Variants in ABHD6 observed in about 807,000 individuals in gnomAD.
ABHD6 encodes monoacylglycerol lipase ABHD6.
Under a neutral mutation model 38.8 loss-of-function variants are expected in ABHD6, and 33 were observed. That is an observed-to-expected ratio of 0.85 (90% CI 0.64 to 1.14). ABHD6 has a LOEUF of 1.14. ABHD6 is among the 50% of genes most tolerant of loss of function. The probability of loss-of-function intolerance (pLI) is 0.00; values close to 1 mark genes in which losing one functional copy is unlikely to be tolerated. For missense variants in ABHD6, 380 were observed against 422.6 expected (o/e 0.90, Z 0.88); for synonymous variants, 147 against 161.6 (o/e 0.91, Z 0.69).
At chr3:58,242,385 C>T (rs929539466) in intron 1 of ABHD6, among the ~76,000 whole-genome samples, 1 of 152,174 alleles carries the variant, frequency 6.6e-6, no homozygotes, top group African/African-American at 2.4e-5. Context: ...CCCATCCAAA[C>T]TAAAACCTCT....
Position 58,285,353 on chromosome 3 carries a change from T to C in ABHD6, c.737T>C (p.Leu246Ser). 1 of 1,614,064 alleles carries C rather than the reference T, an allele frequency of 6.2e-7. No individual in the cohort carries two copies. Among genetic ancestry groups the C allele is most frequent in the Non-Finnish European group, 8.5e-7 (1 of 1,179,890 alleles). The change falls in exon 9 of 10, where the codon TTG becomes TCG. Residue 246 changes from leucine (L) to serine (S), a missense_variant and splice_region_variant. By Grantham distance (145) the Leu-to-Ser change is moderately radical (BLOSUM62 -2). Transcript: ENST00000478253. The surrounding 1 kb of genome is among the most constrained non-coding windows in gnomAD (Gnocchi z 4.9). The part of the protein sequence containing the change: ...RIPHNNFYRK[L>S]FLEIVSEKSR... ...CACTTTGTTTTCCTTTTCTGACAAG[T>C]GTTTTTGGAAATCGTCAGTGAGAAG... is the stretch of plus-strand genomic sequence containing the variant.
At chr3:58,286,870 G>GATATATATATATA (rs2097457739) in intron 9 of ABHD6, among the ~76,000 whole-genome samples, 1 of 75,042 alleles carries the variant, frequency 1.3e-5, no homozygotes, top group Non-Finnish European at 2.7e-5. Context: ...ATATATATAT[G>GATATATATATATA]TATATGTATA....
chr3:58,291,043 G>A (rs1424003501), intron 9 of ABHD6, among the ~76,000 whole-genome samples: 1 of 150,688 alleles, frequency 6.6e-6, no homozygotes, highest in African/African-American at 2.4e-5. Flanking sequence ...GGAGGTGGAG[G>A]TTGTAGCGAG....
intron 7 of ABHD6, among the ~76,000 whole-genome samples, chr3:58,279,414 T>G (rs910611632): frequency 1.5e-5 from 2 of 130,422 alleles, no homozygotes; most frequent in African/African-American, 7.0e-5. Context: ...GAGACTAGGA[T>G]TGCAACCCTG....
chr3:58,281,292 C>T (rs1368764881), intron 7 of ABHD6, among the ~76,000 whole-genome samples: 1 of 152,240 alleles, frequency 6.6e-6, no homozygotes, highest in East Asian at 1.9e-4. Flanking sequence ...CTACTTAAGC[C>T]TCAGCAATGG....
At position 58,267,167 on chromosome 3, in the gene ABHD6, C is replaced by G. The variant is rs760825410; in HGVS notation, c.120-22C>G. 4 of 1,612,496 alleles carry G rather than the reference C, an allele frequency of 2.5e-6. No individual in the cohort carries two copies. In the South Asian group the frequency reaches 4.4e-5, roughly 18 times the overall value. Reference sequence around the variant, plus strand: ...CTAGAGCTTACTGATTTCGTTTTGTCTTTATTTCTCACCCCTTCCAGGTAC... The same window carrying G: ...CTAGAGCTTACTGATTTCGTTTTGTGTTTATTTCTCACCCCTTCCAGGTAC... On this transcript the variant is annotated intron_variant, in intron 3 of 9. Transcript: ENST00000478253. The surrounding 1 kb of genome is among the most constrained non-coding windows in gnomAD (Gnocchi z 4.3).
chr3:58,247,151 C>T (rs1017902540), intron 1 of ABHD6, among the ~76,000 whole-genome samples: 1 of 151,690 alleles, frequency 6.6e-6, no homozygotes, highest in East Asian at 1.9e-4. Flanking sequence ...TACAGGCATG[C>T]ACCACCACGC....
At chr3:58,254,864 AC>A (rs2097432250) in intron 2 of ABHD6, among the ~76,000 whole-genome samples, 1 of 150,628 alleles carries the variant, frequency 6.6e-6, no homozygotes, top group African/African-American at 2.4e-5. Context: ...ACACACACAC[AC>A]ACACACACAC....
At chr3:58,247,112 T>A (rs1056521376) in intron 1 of ABHD6, among the ~76,000 whole-genome samples, 1 of 149,324 alleles carries the variant, frequency 6.7e-6, no homozygotes, top group African/African-American at 2.5e-5. Context: ...AACCTCCGCC[T>A]CCTGGGTTAA....
chr3:58,280,156 T>A (rs36105945), intron 7 of ABHD6, among the ~76,000 whole-genome samples: 14,210 of 152,226 alleles, frequency 0.093, 779 homozygotes, highest in African/African-American at 0.13. Flanking sequence ...GTTGGGGAAG[T>A]TCTCCTGGAT....
Position 58,239,327 on chromosome 3 carries a change from T to A in ABHD6, c.-91+1411T>A, listed in dbSNP as rs552433424. Among the ~76,000 whole-genome samples the A allele has an allele frequency of 2.0e-5, 3 of 152,264 alleles. No individual in the cohort carries two copies. In the East Asian group the frequency reaches 5.8e-4, roughly 29 times the overall value. On this transcript the variant is annotated intron_variant, in intron 1 of 9. Transcript: ENST00000478253. ...TTAAAGGGTAGTGGCAATATTTAGATAAAATAATGCACAGGGCCCAGCATG... is the reference window on the plus strand; with the variant it reads ...TTAAAGGGTAGTGGCAATATTTAGAAAAAATAATGCACAGGGCCCAGCATG...
Position 58,294,613 on chromosome 3 carries a change from A to G in ABHD6, c.*848A>G, listed in dbSNP as rs1024231350. On this transcript the variant is annotated 3_prime_UTR_variant, in exon 10 of 10. Coordinates refer to ENST00000478253, the MANE Select transcript of ABHD6 (RefSeq NM_001320126.2). Reference sequence around the variant, plus strand: ...GCTACTAAGAACCCTTGGATGTAACATACTAGTTAGTTAATGAATTCTGTG... The same window carrying G: ...GCTACTAAGAACCCTTGGATGTAACGTACTAGTTAGTTAATGAATTCTGTG... The G allele has an allele frequency of 7.4e-4, 113 of 152,798 alleles. No individual in the cohort carries two copies. The highest frequency in any genetic ancestry group is 2.5e-3 in the African/African-American group (106 of 41,586). 9.5% of individuals were successfully genotyped at this position (152,798 alleles called of 1,614,324 possible).
chr3:58,264,428 CACACA>C (rs1559776235), intron 3 of ABHD6, among the ~76,000 whole-genome samples: 3 of 130,928 alleles, frequency 2.3e-5, no homozygotes, highest in Non-Finnish European at 4.7e-5. Flanking sequence ...CACACACACA[CACACA>C]CACACACACA....
chr3:58,276,462 TG>T (rs766998417), intron 7 of ABHD6, among the ~76,000 whole-genome samples: 1 of 152,182 alleles, frequency 6.6e-6, no homozygotes, highest in Non-Finnish European at 1.5e-5. Context: ...TTGATGGGGT[TG>T]TTTTTTTTTC....
intron 1 of ABHD6, among the ~76,000 whole-genome samples, chr3:58,242,976 G>A (rs933479081): frequency 1.3e-5 from 2 of 152,116 alleles, no homozygotes; most frequent in African/African-American, 4.8e-5. Context: ...GCGGTGTTTG[G>A]TTTTCTGTCC....
At chr3:58,282,600 G>A (rs1271877651) in intron 7 of ABHD6, among the ~76,000 whole-genome samples, 1 of 152,108 alleles carries the variant, frequency 6.6e-6, no homozygotes, top group Non-Finnish European at 1.5e-5. Context: ...GCCAAGTGTG[G>A]TGGTGCGTGC....
intron 3 of ABHD6, among the ~76,000 whole-genome samples, chr3:58,262,075 T>G (rs1383035912): frequency 6.6e-6 from 1 of 152,198 alleles, no homozygotes; most frequent in Non-Finnish European, 1.5e-5. Flanking sequence ...CTGTGCTAAG[T>G]GAAACTAACC....
chr3:58,262,340 T>G (rs2097437600), intron 3 of ABHD6, among the ~76,000 whole-genome samples: 1 of 152,194 alleles, frequency 6.6e-6, no homozygotes, highest in African/African-American at 2.4e-5. Flanking sequence ...TTTACCACAG[T>G]ATAAAAAAAT....
At chr3:58,278,731 G>A (rs1397538117) in intron 7 of ABHD6, among the ~76,000 whole-genome samples, 1 of 151,990 alleles carries the variant, frequency 6.6e-6, no homozygotes, top group Non-Finnish European at 1.5e-5. Context: ...TTCTCTTGTG[G>A]GCATTTAGTG....
Sources: allele counts gnomAD v4.1 joint callset (sites outside exome capture counted in the v4.1 genomes callset), GRCh38; gene constraint gnomAD v4.1.1; non-coding constraint Gnocchi (gnomAD v3.1); transcripts MANE v1.5; gene names NCBI Gene and HGNC (gene_info 2026-07-23, HGNC 2026-07-21).